Variants in PRKG1 observed in about 807,000 individuals in gnomAD.
PRKG1 encodes the protein protein kinase cGMP-dependent 1.
A neutral mutation model predicts 88.1 loss-of-function variants in PRKG1; 35 were observed. That is an observed-to-expected ratio of 0.40 (90% CI 0.30 to 0.53). PRKG1 has a LOEUF of 0.53. PRKG1 is among the 20% of genes least tolerant of loss of function. PRKG1 has a pLI of 0.59. For missense variants in PRKG1, 540 were observed against 839.8 expected (o/e 0.64, Z 4.41); for synonymous variants, 303 against 292.5 (o/e 1.04, Z -0.37).
At chr10:51,184,757 A>G (rs1378591241) in intron 2 of PRKG1, among the ~76,000 whole-genome samples, 2 of 152,302 alleles carry the variant, frequency 1.3e-5, no homozygotes, top group East Asian at 3.9e-4. Context: ...TAGACTTCTT[A>G]ATTTTAATTT....
chr10:51,824,415 T>G (rs1839832609), intron 4 of PRKG1, among the ~76,000 whole-genome samples: 1 of 152,156 alleles, frequency 6.6e-6, no homozygotes, highest in Non-Finnish European at 1.5e-5. Context: ...TTTTTTCATC[T>G]GGCTTTATTT....
chr10:50,999,670 A>G (rs896058836), intron 1 of PRKG1, among the ~76,000 whole-genome samples: 1 of 152,222 alleles, frequency 6.6e-6, no homozygotes, highest in Non-Finnish European at 1.5e-5. Flanking sequence ...ACTATATGGT[A>G]CTGTTATTGT....
intron 1 of PRKG1, among the ~76,000 whole-genome samples, chr10:51,018,625 A>C (rs1402562656): frequency 6.6e-6 from 1 of 152,208 alleles, no homozygotes; most frequent in Non-Finnish European, 1.5e-5. Context: ...CAACATTCTT[A>C]TTTCCATTAA....
chr10:52,097,781 A>G (rs906471990), intron 7 of PRKG1, among the ~76,000 whole-genome samples: 1 of 144,692 alleles, frequency 6.9e-6, no homozygotes. Context: ...ATATATATAT[A>G]TATGTACAGA....
rs1554810291 is a variant in PRKG1 at position 52,150,183 on chromosome 10, A to ATTATTATTATTATTATT, written c.1002-11706_1002-11705insTTATTATTATTATTATT. ...TAATAATAATAATAATAATAATAAT[A>ATTATTATTATTATTATT]ATTTGATTGGCCATAAGGGCAGGAT... On this transcript the variant is annotated intron_variant, in intron 8 of 17. Transcript: ENST00000373980. 1.8e-3 allele frequency among the ~76,000 whole-genome samples: 265 copies of ATTATTATTATTATTATT among 147,988 alleles called. 2 individuals carry two copies. Among genetic ancestry groups the ATTATTATTATTATTATT allele is most frequent in the South Asian group, 5.1e-3 (24 of 4,700 alleles).
intron 3 of PRKG1, among the ~76,000 whole-genome samples, chr10:51,671,453 A>G (rs1840574467): frequency 6.6e-6 from 1 of 152,090 alleles, no homozygotes; most frequent in Admixed American, 6.6e-5. Flanking sequence ...ACTCTGTCCT[A>G]GTTTCTTTTT....
chr10:51,086,201 A>G (rs183103007), intron 1 of PRKG1, among the ~76,000 whole-genome samples: 1 of 152,314 alleles, frequency 6.6e-6, no homozygotes, highest in Admixed American at 6.5e-5. Context: ...AAATAAGCTC[A>G]CTGTGAATGA....
intron 9 of PRKG1, among the ~76,000 whole-genome samples, chr10:52,199,800 G>A (rs925206619): frequency 2.6e-5 from 4 of 152,148 alleles, no homozygotes; most frequent in Non-Finnish European, 5.9e-5. Flanking sequence ...AAGCAGCAAA[G>A]TATTTGTGCT....
At chr10:51,938,051 C>G (rs1842832264) in intron 5 of PRKG1, among the ~76,000 whole-genome samples, 1 of 151,926 alleles carries the variant, frequency 6.6e-6, no homozygotes, top group African/African-American at 2.4e-5. Context: ...TCTAAAATCA[C>G]CTGAAGCAGA....
chr10:52,234,177 C>G (rs1840613060), intron 9 of PRKG1, among the ~76,000 whole-genome samples: 2 of 152,252 alleles, frequency 1.3e-5, no homozygotes, highest in Admixed American at 6.5e-5. Context: ...TCACCATCAT[C>G]AAAGACCAAA....
At chr10:51,725,632 T>TC in intron 3 of PRKG1, among the ~76,000 whole-genome samples, 1 of 151,462 alleles carries the variant, frequency 6.6e-6, no homozygotes, top group African/African-American at 2.4e-5. Flanking sequence ...TCTTTTCTTT[T>TC]TTTTTTTTGT....
At position 51,304,705 on chromosome 10, in the gene PRKG1, T is replaced by C. The variant is rs1352265846; in HGVS notation, c.478+151375T>C. Among the ~76,000 whole-genome samples the C allele has an allele frequency of 2.1e-5, 3 of 142,726 alleles. No individual in the cohort carries two copies. The East Asian group carries it at 6.6e-4, about 31-fold the overall frequency. 93.6% of individuals were successfully genotyped at this position (142,726 alleles called of 152,430 possible). ...GTGTCCATGTGTTCTCATTGTTCAA[T>C]TCCCACCTATGAGTGAGAACATGCG... is the stretch of plus-strand genomic sequence containing the variant. On this transcript the variant is annotated intron_variant, in intron 2 of 17. Transcript: ENST00000373980.
intron 3 of PRKG1, among the ~76,000 whole-genome samples, chr10:51,704,213 T>C (rs1841545977): frequency 6.7e-6 from 1 of 149,504 alleles, no homozygotes; most frequent in African/African-American, 2.5e-5. Flanking sequence ...AATTATAGTA[T>C]AGTAGCTGAT....
chr10:51,093,672 G>A (rs537231988), intron 1 of PRKG1, among the ~76,000 whole-genome samples: 44 of 145,184 alleles, frequency 3.0e-4, no homozygotes, highest in African/African-American at 1.1e-3. Flanking sequence ...ATATATGTAT[G>A]TATGTGTGTA....
In PRKG1 at chr10:51,378,775, A is replaced by G. The variant is rs1267692742; in HGVS notation, c.479-88948A>G. On this transcript the variant is annotated intron_variant, in intron 2 of 17. Coordinates refer to ENST00000373980, the MANE Select transcript of PRKG1 (RefSeq NM_006258.4). ...GACTCAATTTTCTCATCTGAAAAAA[A>G]AATGGGATAGCATTAATGTCACTCA... 8.5e-5 allele frequency among the ~76,000 whole-genome samples: 13 copies of G among 152,324 alleles called. 1 individual carries two copies. The highest frequency in any genetic ancestry group is 3.1e-4 in the African/African-American group (13 of 41,572).
chr10:52,220,038 A>G (rs1393188617), intron 9 of PRKG1, among the ~76,000 whole-genome samples: 1 of 152,156 alleles, frequency 6.6e-6, no homozygotes, highest in African/African-American at 2.4e-5. Context: ...CCAATATCCC[A>G]TATTTTTAAA....
At chr10:51,344,034 T>C (rs1283002437) in intron 2 of PRKG1, among the ~76,000 whole-genome samples, 1 of 152,224 alleles carries the variant, frequency 6.6e-6, no homozygotes, top group Non-Finnish European at 1.5e-5. Flanking sequence ...TTGTGGACTC[T>C]GTATTAGGTC....
intron 2 of PRKG1, among the ~76,000 whole-genome samples, chr10:51,334,964 C>T (rs1314118216): frequency 6.8e-6 from 1 of 146,558 alleles, no homozygotes; most frequent in Non-Finnish European, 1.5e-5. Context: ...ATATGAGTGC[C>T]TTGATTAAGC....
intron 5 of PRKG1, among the ~76,000 whole-genome samples, chr10:52,041,098 C>T (rs1474507770): frequency 2.6e-5 from 4 of 152,022 alleles, no homozygotes; most frequent in African/African-American, 9.7e-5. Flanking sequence ...CTCGGCCTCC[C>T]AAAATGCTAA....
Sources: allele counts gnomAD v4.1 joint callset (sites outside exome capture counted in the v4.1 genomes callset), GRCh38; gene constraint gnomAD v4.1.1; transcripts MANE v1.5; gene names NCBI Gene and HGNC (gene_info 2026-07-23, HGNC 2026-07-21).